The following RNGTT variants were observed in gnomAD, a reference collection of about 807,000 sequenced individuals.
RNGTT encodes RNA guanylyltransferase and 5'-phosphatase.
RNGTT carries 33 observed loss-of-function variants against 79.3 expected under a neutral mutation model. The ratio of observed to expected loss-of-function variants is 0.42; its 90% CI spans 0.32 to 0.56. The LOEUF (loss-of-function observed/expected upper bound fraction) is 0.56. RNGTT is among the 20% of genes least tolerant of loss of function. The pLI, the probability that RNGTT is intolerant of heterozygous loss-of-function variation, is 0.17. For missense variants in RNGTT, 497 were observed against 739.1 expected, an observed-to-expected ratio of 0.67 and a Z score of 3.80; for synonymous variants, 222 against 235.9, an observed-to-expected ratio of 0.94 and a Z score of 0.54.
rs773389677 is a variant in RNGTT, at chr6:88,849,711, T to C, written c.1104+44A>G. 4 of 1,460,544 alleles carry C rather than the reference T, an allele frequency of 2.7e-6. No homozygotes were observed. The South Asian group carries it at 5.7e-5, about 21-fold the overall frequency. 90.5% of individuals were successfully genotyped at this position (1,460,544 alleles called of 1,614,324 possible). ...AAGACTATTGTCAAAAATACATTCATTATTTCAGTAATAACTTGTATTTTA... is the reference window on the plus strand; with the variant it reads ...AAGACTATTGTCAAAAATACATTCACTATTTCAGTAATAACTTGTATTTTA... On this transcript the variant is annotated intron_variant, in intron 10 of 15. Transcript: ENST00000369485.
chr6:88,854,198 G>A (rs967211085), intron 8 of RNGTT, among the ~76,000 whole-genome samples: 2 of 152,020 alleles, frequency 1.3e-5, no homozygotes, highest in African/African-American at 4.8e-5. Flanking sequence ...CCAAAGTGCT[G>A]CGATTACAGC....
At chr6:88,867,162 C>G (rs553133749) in intron 8 of RNGTT, among the ~76,000 whole-genome samples, 2 of 152,064 alleles carry the variant, frequency 1.3e-5, no homozygotes, top group African/African-American at 2.4e-5. Context: ...CTCAAGCCAC[C>G]CTTAACACTC....
At chr6:88,757,346 A>C (rs1021177721) in intron 13 of RNGTT, among the ~76,000 whole-genome samples, 5 of 152,226 alleles carry the variant, frequency 3.3e-5, no homozygotes, top group Admixed American at 3.3e-4. Flanking sequence ...GAAGTACATG[A>C]TTTAATAACA....
At chr6:88,772,602 C>T (rs1483073101) in intron 12 of RNGTT, among the ~76,000 whole-genome samples, 1 of 142,870 alleles carries the variant, frequency 7.0e-6, no homozygotes, top group African/African-American at 2.7e-5. Flanking sequence ...CCAGAATCTA[C>T]AATGAACTCA....
chr6:88,628,257 A>G (rs993446132), intron 14 of RNGTT, among the ~76,000 whole-genome samples: 4 of 152,136 alleles, frequency 2.6e-5, no homozygotes, highest in African/African-American at 9.7e-5. Flanking sequence ...AATTATCTGC[A>G]TCAAGTATCA....
At chr6:88,691,689 A>G (rs1343656506) in intron 13 of RNGTT, among the ~76,000 whole-genome samples, 1 of 152,204 alleles carries the variant, frequency 6.6e-6, no homozygotes, top group Non-Finnish European at 1.5e-5. Flanking sequence ...TTAGTTACAT[A>G]AAATTTCATT....
At chr6:88,656,631 C>T (rs1050151684) in intron 14 of RNGTT, among the ~76,000 whole-genome samples, 7 of 151,932 alleles carry the variant, frequency 4.6e-5, no homozygotes, top group Non-Finnish European at 8.8e-5. Context: ...TGTATGTAAA[C>T]TTTTCTAGGG....
At chr6:88,825,938 C>T (rs1780642070) in intron 11 of RNGTT, among the ~76,000 whole-genome samples, 1 of 152,234 alleles carries the variant, frequency 6.6e-6, no homozygotes, top group Non-Finnish European at 1.5e-5. Context: ...CAAATTGATG[C>T]TGATCTCTTT....
chr6:88,709,446 G>A (rs761326578), intron 13 of RNGTT, among the ~76,000 whole-genome samples: 3 of 152,122 alleles, frequency 2.0e-5, no homozygotes, highest in Admixed American at 6.5e-5. Context: ...CTTTTAGAAC[G>A]CAAGCTAAAG....
rs749269263 is a variant in RNGTT at position 88,891,913 on chromosome 6, G to C, written c.687C>G (p.Gly229=). ...GKRRKERLKL[G]AIFLEGVTVK... ...CAGTAACACCTTCCAAGAAAATAGC[G>C]CCCTTTAAAAAAAAAATAAGAAAAA... Residue 229 remains glycine, a splice_region_variant and synonymous_variant, in exon 7 of 16, where the codon GGC becomes GGG. Coordinates refer to ENST00000369485, the MANE Select transcript of RNGTT (RefSeq NM_003800.5). 6.5e-7 allele frequency: 1 copy of C among 1,528,846 alleles called. No homozygotes were observed. Among genetic ancestry groups the C allele is most frequent in the African/African-American group, 1.4e-5 (1 of 69,710 alleles). 94.7% of individuals were successfully genotyped at this position (1,528,846 alleles called of 1,614,324 possible). A position where few individuals can be genotyped will look rare whatever the true frequency, so the allele number is the denominator to read the frequency against.
chr6:88,725,964 A>T (rs1776886618), intron 13 of RNGTT, among the ~76,000 whole-genome samples: 1 of 152,026 alleles, frequency 6.6e-6, no homozygotes, highest in Admixed American at 6.5e-5. Flanking sequence ...AGAGAGAGAA[A>T]GAGAGAGACA....
intron 12 of RNGTT, among the ~76,000 whole-genome samples, chr6:88,794,906 C>A (rs943213931): frequency 1.3e-5 from 2 of 152,124 alleles, no homozygotes; most frequent in Non-Finnish European, 2.9e-5. Flanking sequence ...AGAGTGTGCA[C>A]AGGAATCTAA....
intron 14 of RNGTT, among the ~76,000 whole-genome samples, chr6:88,619,303 C>A (rs1313777838): frequency 1.3e-5 from 2 of 152,014 alleles, no homozygotes; most frequent in South Asian, 2.1e-4. Context: ...GCAGTTGAGA[C>A]CACAGTTGTG....
intron 13 of RNGTT, among the ~76,000 whole-genome samples, chr6:88,715,298 G>C (rs1449268629): frequency 2.6e-5 from 4 of 152,088 alleles, no homozygotes; most frequent in Admixed American, 2.6e-4. Context: ...ACAAACCACT[G>C]CTCAATGAAA....
chr6:88,641,202 G>A (rs1773303505), intron 14 of RNGTT, among the ~76,000 whole-genome samples: 1 of 152,042 alleles, frequency 6.6e-6, no homozygotes, highest in South Asian at 2.1e-4. Context: ...AGCCAGGCAC[G>A]GTGGCGGGCG....
chr6:88,779,447 T>C (rs1274874652), intron 12 of RNGTT, among the ~76,000 whole-genome samples: 1 of 152,222 alleles, frequency 6.6e-6, no homozygotes, highest in Non-Finnish European at 1.5e-5. Flanking sequence ...TAAAAAGCTT[T>C]AATATGTAAT....
At chr6:88,945,047 C>T (rs536965662) in intron 1 of RNGTT, among the ~76,000 whole-genome samples, 44 of 152,350 alleles carry the variant, frequency 2.9e-4, no homozygotes, top group South Asian at 2.1e-4. Flanking sequence ...CCTTGGTAGA[C>T]GGGCTGATGA....
chr6:88,816,911 G>T (rs1024892825), intron 11 of RNGTT, among the ~76,000 whole-genome samples: 1 of 152,074 alleles, frequency 6.6e-6, no homozygotes, highest in African/African-American at 2.4e-5. Flanking sequence ...CAGGCTGGGG[G>T]AGAGATTCTC....
At chr6:88,848,887 T>C (rs141066053) in intron 10 of RNGTT, among the ~76,000 whole-genome samples, 50 of 152,186 alleles carry the variant, frequency 3.3e-4, no homozygotes, top group African/African-American at 1.1e-3. Context: ...TACATGAGTA[T>C]TCCTTACATT....
Sources: allele counts gnomAD v4.1 joint callset (sites outside exome capture counted in the v4.1 genomes callset), GRCh38; gene constraint gnomAD v4.1.1; transcripts MANE v1.5; gene names NCBI Gene and HGNC (gene_info 2026-07-23, HGNC 2026-07-21).